FAM227B: variants seen among roughly 807,000 people sequenced by gnomAD.
The protein encoded by FAM227B is protein FAM227B.
In FAM227B, 88 loss-of-function variants were observed where a neutral mutation model predicts 73.8. The observed-to-expected ratio is 1.19, with a 90% CI of 1.00 to 1.42. The LOEUF (loss-of-function observed/expected upper bound fraction) is 1.42, where lower values mean the gene tolerates loss of function less well. Ranked by LOEUF, FAM227B falls within the 40% of genes most tolerant of loss-of-function variation. The pLI, the probability that FAM227B is intolerant of heterozygous loss-of-function variation, is 0.00. For synonymous variants in FAM227B, 210 were observed against 190.5 expected, an observed-to-expected ratio of 1.10 and a Z score of -0.84; for missense variants, 632 against 590.9, an observed-to-expected ratio of 1.07 and a Z score of -0.72.
At chr15:49,350,953 G>A (rs533276977) in intron 13 of FAM227B, among the ~76,000 whole-genome samples, 117 of 152,264 alleles carry the variant, frequency 7.7e-4, no homozygotes, top group Admixed American at 2.1e-3. Flanking sequence ...TTAAAAGCAC[G>A]TTGTTAAGGC....
chr15:49,469,648 C>T (rs546573325), intron 11 of FAM227B, among the ~76,000 whole-genome samples: 2 of 152,024 alleles, frequency 1.3e-5, no homozygotes, highest in African/African-American at 4.8e-5. Context: ...CTTGATTTTA[C>T]TATAAGGCAG....
chr15:49,349,482 T>C (rs1388771348), intron 13 of FAM227B, among the ~76,000 whole-genome samples: 4 of 152,218 alleles, frequency 2.6e-5, no homozygotes. Flanking sequence ...TCCTTTATTT[T>C]ACTATGCCTT....
At chr15:49,389,679 T>C (rs2047089252) in intron 11 of FAM227B, among the ~76,000 whole-genome samples, 1 of 151,994 alleles carries the variant, frequency 6.6e-6, no homozygotes, top group Non-Finnish European at 1.5e-5. Context: ...TTAATATTAT[T>C]TCTTAAGGGA....
Position 49,390,550 on chromosome 15 carries a change from T to A in FAM227B, c.1013-19151A>T, listed in dbSNP as rs570410244. 7.9e-5 allele frequency among the ~76,000 whole-genome samples: 12 copies of A among 152,212 alleles called. No homozygotes were observed. In the East Asian group the frequency reaches 2.3e-3, roughly 29 times the overall value. ...TGACAGACAGAATGCTCAGAGCCAA[T>A]CTAATTCATGGGCCAAGTCTAGCAA... On this transcript the variant is annotated intron_variant, in intron 11 of 15. Coordinates refer to ENST00000299338, the MANE Select transcript of FAM227B (RefSeq NM_152647.3).
intron 13 of FAM227B, chr15:49,366,103 T>C: frequency 1.1e-6 from 1 of 933,100 alleles, no homozygotes; most frequent in South Asian, 1.3e-5. Flanking sequence ...AGTTTTCCAA[T>C]TCAACTAGTC....
At chr15:49,588,562 T>C (rs1413180304) in intron 4 of FAM227B, among the ~76,000 whole-genome samples, 2 of 47,012 alleles carry the variant, frequency 4.3e-5, no homozygotes, top group African/African-American at 1.9e-4. Flanking sequence ...TATATATATA[T>C]ATATATATAT....
intron 15 of FAM227B, chr15:49,331,514 T>C (rs1251113252): frequency 5.1e-6 from 2 of 395,482 alleles, no homozygotes; most frequent in Admixed American, 8.2e-5. Context: ...TATTAGTTTG[T>C]AATTCTAACT....
chr15:49,354,226 CTG>C lies in FAM227B; in HGVS notation c.1271+13220_1271+13221del, dbSNP rs562031497. ...AACACTATTTACATGTTTAAAAAGTCTGTGTATGGGGAGGAGCCAAGATGGCC... is the reference window on the plus strand; with the variant it reads ...AACACTATTTACATGTTTAAAAAGTCTGTATGGGGAGGAGCCAAGATGGCC... On this transcript the variant is annotated intron_variant, in intron 13 of 15. Coordinates refer to ENST00000299338, the MANE Select transcript of FAM227B (RefSeq NM_152647.3). Among the ~76,000 whole-genome samples the C allele has an allele frequency of 1.0e-3, 157 of 152,178 alleles. 1 individual carries two copies. Among genetic ancestry groups the C allele is most frequent in the African/African-American group, 3.8e-3 (156 of 41,540 alleles).
intron 10 of FAM227B, among the ~76,000 whole-genome samples, chr15:49,531,432 C>T (rs1314462543): frequency 6.6e-6 from 1 of 151,006 alleles, no homozygotes; most frequent in Non-Finnish European, 1.5e-5. Flanking sequence ...AATAAGATAT[C>T]TCTATCAGAA....
At chr15:49,567,004 C>A (rs1282588344) in intron 9 of FAM227B, among the ~76,000 whole-genome samples, 1 of 152,054 alleles carries the variant, frequency 6.6e-6, no homozygotes, top group African/African-American at 2.4e-5. Context: ...CCATTTTATT[C>A]TTTGTCCATA....
chr15:49,477,497 T>G (rs891923286), intron 11 of FAM227B, among the ~76,000 whole-genome samples: 1 of 152,230 alleles, frequency 6.6e-6, no homozygotes, highest in African/African-American at 2.4e-5. Context: ...CCTTGTCTTT[T>G]TGTGGCTTCA....
chr15:49,358,212 A>T (rs1412773140), intron 13 of FAM227B, among the ~76,000 whole-genome samples: 2 of 151,234 alleles, frequency 1.3e-5, no homozygotes, highest in Non-Finnish European at 2.9e-5. Context: ...CTCCTATTCA[A>T]CATAGTGTTG....
chr15:49,607,324 A>C (rs905134386), intron 3 of FAM227B, among the ~76,000 whole-genome samples: 10 of 152,214 alleles, frequency 6.6e-5, no homozygotes, highest in Admixed American at 5.9e-4. Flanking sequence ...ATCTTAAATA[A>C]GACGCATAGC....
Position 49,328,539 on chromosome 15 carries a change from T to C in FAM227B, c.*29A>G, listed in dbSNP as rs1567072842. ...GATACCACTGAATTGTATGCATTATTCTTGAATAGAGTTCATTTCTGGTTT... is the reference window on the plus strand; with the variant it reads ...GATACCACTGAATTGTATGCATTATCCTTGAATAGAGTTCATTTCTGGTTT... On this transcript the variant is annotated 3_prime_UTR_variant, in exon 16 of 16. Coordinates refer to ENST00000299338, the MANE Select transcript of FAM227B (RefSeq NM_152647.3). The C allele has an allele frequency of 1.2e-6, 2 of 1,607,140 alleles. No homozygotes were observed. The highest frequency in any genetic ancestry group is 1.7e-6 in the Non-Finnish European group (2 of 1,175,756).
At chr15:49,534,755 C>T (rs1364267728) in intron 10 of FAM227B, among the ~76,000 whole-genome samples, 1 of 151,542 alleles carries the variant, frequency 6.6e-6, no homozygotes, top group African/African-American at 2.4e-5. Flanking sequence ...TCTAGTATTG[C>T]TTTCAACCAC....
Position 49,615,111 on chromosome 15 carries a change from G to A in FAM227B, c.51+10C>T, listed in dbSNP as rs989319863. The A allele has an allele frequency of 6.2e-7, 1 of 1,612,564 alleles. No homozygotes were observed. On this transcript the variant is annotated intron_variant, in intron 2 of 15. Transcript: ENST00000299338. ...TGTAAGTGAACATAAAGCTGTGGAAGCTTCCTTACCCCGGGGCCAGCTCTG... is the reference window on the plus strand; with the variant it reads ...TGTAAGTGAACATAAAGCTGTGGAAACTTCCTTACCCCGGGGCCAGCTCTG...
chr15:49,446,334 T>C (rs2052209070), intron 11 of FAM227B, among the ~76,000 whole-genome samples: 1 of 151,620 alleles, frequency 6.6e-6, no homozygotes, highest in Admixed American at 6.6e-5. Context: ...GCACCTTCGA[T>C]GTACAGGTGA....
At chr15:49,421,459 T>C (rs2049619470) in intron 11 of FAM227B, among the ~76,000 whole-genome samples, 3 of 152,256 alleles carry the variant, frequency 2.0e-5, no homozygotes, top group African/African-American at 4.8e-5. Context: ...TGCACTTTCA[T>C]AGATCACAAT....
At chr15:49,539,209 A>G (rs1024600717) in intron 10 of FAM227B, among the ~76,000 whole-genome samples, 2 of 152,148 alleles carry the variant, frequency 1.3e-5, no homozygotes, top group Non-Finnish European at 2.9e-5. Flanking sequence ...TGAGGTCAGC[A>G]TCACTGAAAA....
Sources: allele counts gnomAD v4.1 joint callset (sites outside exome capture counted in the v4.1 genomes callset), GRCh38; gene constraint gnomAD v4.1.1; transcripts MANE v1.5; gene names NCBI Gene and HGNC (gene_info 2026-07-23, HGNC 2026-07-21).